ADAMTS20: variants seen among roughly 807,000 people sequenced by gnomAD.
ADAMTS20 encodes the protein A disintegrin and metalloproteinase with thrombospondin motifs 20.
A neutral mutation model predicts 260.1 loss-of-function variants in ADAMTS20; 225 were observed. The observed-to-expected ratio is 0.87, with a 90% CI of 0.78 to 0.97. The LOEUF (loss-of-function observed/expected upper bound fraction) is 0.97, where lower values mean the gene tolerates loss of function less well. Among genes scored for constraint, ADAMTS20 ranks in the 50% least tolerant of loss-of-function variants. The pLI is 0.00. For synonymous variants in ADAMTS20, 802 were observed against 769.5 expected (o/e 1.04, Z -0.70); for missense variants, 2,400 against 2,337.7 (o/e 1.03, Z -0.55).
chr12:43,543,380 T>A (rs1785754949), intron 2 of ADAMTS20, among the ~76,000 whole-genome samples: 2 of 152,152 alleles, frequency 1.3e-5, no homozygotes, highest in Admixed American at 1.3e-4. Context: ...CCACAATTCC[T>A]CTTCAGGAGC....
At chr12:43,459,193 C>T (rs983980125) in intron 11 of ADAMTS20, among the ~76,000 whole-genome samples, 12 of 152,180 alleles carry the variant, frequency 7.9e-5, no homozygotes, top group African/African-American at 1.2e-4. Context: ...TTGCTGCCAT[C>T]GCGGACCTGC....
chr12:43,492,561 C>G lies in ADAMTS20; in HGVS notation c.1020G>C (p.Gln340His). The G allele has an allele frequency of 6.2e-7, 1 of 1,613,836 alleles. No homozygotes were observed. The highest frequency in any genetic ancestry group is 8.5e-7 in the Non-Finnish European group (1 of 1,179,824). Residue 340 changes from glutamine to histidine, a missense_variant, in exon 6 of 39, where the codon CAG becomes CAC. Gln to His is a conservative substitution (Grantham distance 24). Coordinates refer to ENST00000389420, the MANE Select transcript of ADAMTS20 (RefSeq NM_025003.5). Reference sequence around the variant, plus strand: ...AAGGGTGAACATCATCAAGGTCATTCTGAGTTTGTTGCCATGAACAAAAGT... The same window carrying G: ...AAGGGTGAACATCATCAAGGTCATTGTGAGTTTGTTGCCATGAACAAAAGT... ...LKNFCSWQQT[Q>H]NDLDDVHPSH...
chr12:43,531,199 C>T (rs1161911156), intron 3 of ADAMTS20, among the ~76,000 whole-genome samples: 1 of 151,796 alleles, frequency 6.6e-6, no homozygotes, highest in Non-Finnish European at 1.5e-5. Flanking sequence ...AGAAACAATA[C>T]TAAGCAAAAA....
Position 43,453,893 on chromosome 12 carries a change from TAA to T in ADAMTS20, c.1760+12_1760+13del. ...GAGATAATCTTAATTTATAGTGACATAAAAAAGACATACTCAGGACGATTACA... is the reference window on the plus strand; with the variant it reads ...GAGATAATCTTAATTTATAGTGACATAAAAGACATACTCAGGACGATTACA... On this transcript the variant is annotated intron_variant, in intron 12 of 38. Coordinates refer to ENST00000389420, the MANE Select transcript of ADAMTS20 (RefSeq NM_025003.5). 6.3e-7 allele frequency: 1 copy of T among 1,579,424 alleles called. No individual in the cohort carries two copies.
intron 2 of ADAMTS20, among the ~76,000 whole-genome samples, chr12:43,549,616 C>T (rs1236770060): frequency 6.6e-6 from 1 of 152,048 alleles, no homozygotes; most frequent in African/African-American, 2.4e-5. Flanking sequence ...TAGGATTTTC[C>T]AGACAAACTA....
chr12:43,542,521 T>G lies in ADAMTS20; in HGVS notation c.453+8388A>C, dbSNP rs1943390611. The stretch of plus-strand genomic sequence containing the variant: ...TCATTTGGGCCAATCTATTGTTTTT[T>G]TTTCATGTGTTATTTCTTGTATTTT... On this transcript the variant is annotated intron_variant, in intron 2 of 38. Transcript: ENST00000389420. Among the ~76,000 whole-genome samples, 3 of 152,320 alleles carry G rather than the reference T, an allele frequency of 2.0e-5. No individual in the cohort carries two copies. The East Asian group carries it at 5.8e-4, about 29-fold the overall frequency.
intron 11 of ADAMTS20, among the ~76,000 whole-genome samples, chr12:43,454,285 T>C (rs1356022401): frequency 2.0e-5 from 3 of 152,292 alleles, no homozygotes; most frequent in South Asian, 2.1e-4. Flanking sequence ...TAGAGTGTCA[T>C]TGGGGAGGAA....
At chr12:43,440,395 C>T (rs546549142) in intron 16 of ADAMTS20, among the ~76,000 whole-genome samples, 28 of 152,236 alleles carry the variant, frequency 1.8e-4, no homozygotes, top group Middle Eastern at 6.8e-3. Context: ...GCAATCTGCC[C>T]GCTTCGGCCT....
chr12:43,423,740 A>C, intron 28 of ADAMTS20: 1 of 702,456 alleles, frequency 1.4e-6, no homozygotes, highest in Non-Finnish European at 2.6e-6. Context: ...AGTAAACTGT[A>C]AACTCCATAG....
chr12:43,516,755 C>T (rs552512549), intron 3 of ADAMTS20, among the ~76,000 whole-genome samples: 2 of 151,724 alleles, frequency 1.3e-5, no homozygotes, highest in Non-Finnish European at 2.9e-5. Flanking sequence ...AAACTATGCA[C>T]GTTGTGCACA....
intron 4 of ADAMTS20, among the ~76,000 whole-genome samples, chr12:43,496,549 C>A (rs1942680091): frequency 6.6e-6 from 1 of 152,198 alleles, no homozygotes; most frequent in African/African-American, 2.4e-5. Flanking sequence ...AAGCCCTAGG[C>A]AGTCAGCAGA....
rs369727823 is a variant in ADAMTS20 at position 43,354,195 on chromosome 12, C to G, written c.*14G>C. 3.9e-6 allele frequency: 6 copies of G among 1,544,330 alleles called. No individual in the cohort carries two copies. The African/African-American group carries it at 5.5e-5, about 14-fold the overall frequency. ...ATATCCCCTCTTTAGGGCATACTTC[C>G]CCCTTCTAAATGTTCATATGACTTG... is the stretch of plus-strand genomic sequence containing the variant. On this transcript the variant is annotated 3_prime_UTR_variant, in exon 39 of 39. Coordinates refer to ENST00000389420, the MANE Select transcript of ADAMTS20 (RefSeq NM_025003.5).
chr12:43,363,136 C>A (rs1939910200), intron 37 of ADAMTS20, among the ~76,000 whole-genome samples: 1 of 152,062 alleles, frequency 6.6e-6, no homozygotes, highest in African/African-American at 2.4e-5. Flanking sequence ...CATGACTCGC[C>A]CTCTTTTCCT....
At chr12:43,404,348 A>C (rs1940872433) in intron 28 of ADAMTS20, among the ~76,000 whole-genome samples, 1 of 152,088 alleles carries the variant, frequency 6.6e-6, no homozygotes, top group African/African-American at 2.4e-5. Flanking sequence ...TTACTGACCA[A>C]TGTTTGTCTG....
chr12:43,508,970 T>C (rs1380408266), intron 3 of ADAMTS20, among the ~76,000 whole-genome samples: 1 of 152,176 alleles, frequency 6.6e-6, no homozygotes. Flanking sequence ...GTTCTCATTG[T>C]TCAACTCCCA....
chr12:43,481,711 T>C (rs762796483), intron 7 of ADAMTS20, among the ~76,000 whole-genome samples: 8 of 152,244 alleles, frequency 5.3e-5, no homozygotes, highest in Middle Eastern at 3.4e-3. Flanking sequence ...CAATAGAAAA[T>C]AAAAGTCATT....
chr12:43,521,641 AT>A (rs888786653), intron 3 of ADAMTS20, among the ~76,000 whole-genome samples: 6 of 152,190 alleles, frequency 3.9e-5, no homozygotes, highest in South Asian at 2.1e-4. Flanking sequence ...TAATACAAAT[AT>A]TTTTTAAAGC....
Position 43,532,041 on chromosome 12 carries a change from A to G in ADAMTS20, c.608T>C (p.Val203Ala), listed in dbSNP as rs1943228125. ...AGTTCTATTTCACAGTTTACCTGAC[A>G]CACTGCAATACTTCAGAGTCTGCAG... ...SFLQTLKYCS[V>A]SESQIKETSL... The change falls in exon 3 of 39, where the codon GTG (valine) becomes GCG (alanine). Residue 203 changes from valine to alanine, a missense_variant. By Grantham distance (64) the Val-to-Ala change is moderately conservative. Coordinates refer to ENST00000389420, the MANE Select transcript of ADAMTS20 (RefSeq NM_025003.5). The G allele has an allele frequency of 3.2e-6, 5 of 1,563,544 alleles. No individual in the cohort carries two copies. The African/African-American group carries it at 5.5e-5, about 17-fold the overall frequency.
At chr12:43,482,676 T>C (rs1942459620) in intron 7 of ADAMTS20, among the ~76,000 whole-genome samples, 1 of 152,098 alleles carries the variant, frequency 6.6e-6, no homozygotes, top group Non-Finnish European at 1.5e-5. Context: ...CAACCTAGCT[T>C]TACCCCTCCA....
Sources: gnomAD v4.1 joint callset for allele counts (sites outside exome capture counted in the v4.1 genomes callset) on GRCh38, gnomAD v4.1.1 for gene constraint, MANE v1.5 for transcripts, NCBI Gene and HGNC (gene_info 2026-07-23, HGNC 2026-07-21) for gene names.